The following DIAPH3 variants were observed in gnomAD, a reference collection of about 807,000 sequenced individuals.
The protein encoded by DIAPH3 is diaphanous related formin 3.
DIAPH3 carries 117 observed loss-of-function variants against 144.3 expected under a neutral mutation model. The ratio of observed to expected loss-of-function variants is 0.81; its 90% confidence interval spans 0.70 to 0.95. The LOEUF is 0.95. DIAPH3 is among the 40% of genes least tolerant of loss of function. The pLI is 0.00. For synonymous variants in DIAPH3, 519 were observed against 488.9 expected (o/e 1.06, Z -0.81); for missense variants, 1,421 against 1,412.7 (o/e 1.01, Z -0.09).
intron 21 of DIAPH3, among the ~76,000 whole-genome samples, chr13:59,864,478 C>T (rs999594635): frequency 1.3e-5 from 2 of 151,696 alleles, no homozygotes; most frequent in Non-Finnish European, 2.9e-5. Context: ...AAGACAATCA[C>T]CATCTACCTT....
At chr13:60,005,784 A>G (rs1184081396) in intron 9 of DIAPH3, among the ~76,000 whole-genome samples, 2 of 152,074 alleles carry the variant, frequency 1.3e-5, no homozygotes, top group Non-Finnish European at 2.9e-5. Context: ...ACCTGACCTG[A>G]AACGCACATT....
At chr13:59,785,358 T>C (rs932251146) in intron 25 of DIAPH3, among the ~76,000 whole-genome samples, 4 of 152,190 alleles carry the variant, frequency 2.6e-5, no homozygotes, top group Admixed American at 6.5e-5. Context: ...TTATTTATTT[T>C]TTCCTTAAAA....
At chr13:60,137,325 T>C (rs1049834324) in intron 1 of DIAPH3, among the ~76,000 whole-genome samples, 1 of 152,220 alleles carries the variant, frequency 6.6e-6, no homozygotes, top group Non-Finnish European at 1.5e-5. Context: ...TTATTGAAGA[T>C]AGTACATGCT....
At chr13:59,937,027 G>C (rs1169609607) in intron 17 of DIAPH3, among the ~76,000 whole-genome samples, 1 of 151,942 alleles carries the variant, frequency 6.6e-6, no homozygotes, top group African/African-American at 2.4e-5. Context: ...GCTGGGCGTG[G>C]TGGCGGGTTC....
rs939280259 is a variant in DIAPH3, at chr13:60,010,111, T to TTA, written c.908+420_908+421dup. 1.4e-3 allele frequency among the ~76,000 whole-genome samples: 206 copies of TTA among 152,268 alleles called. 1 individual carries two copies. Among genetic ancestry groups the TTA allele is most frequent in the African/African-American group, 4.3e-3 (178 of 41,552 alleles). On this transcript the variant is annotated intron_variant, in intron 8 of 27. Coordinates refer to ENST00000400324, the MANE Select transcript of DIAPH3 (RefSeq NM_001042517.2). ...TACATAAATCACTTTCTAATCTGCC[T>TTA]TATATATAGATTTCCAAATCGTAAT...
chr13:60,055,767 A>G (rs1034676449), intron 4 of DIAPH3, among the ~76,000 whole-genome samples: 42 of 152,040 alleles, frequency 2.8e-4, no homozygotes, highest in African/African-American at 9.4e-4. Context: ...TCATTTGTGC[A>G]AAAAGACACA....
intron 4 of DIAPH3, among the ~76,000 whole-genome samples, chr13:60,074,916 C>T (rs2057329555): frequency 6.6e-6 from 1 of 152,104 alleles, no homozygotes; most frequent in Non-Finnish European, 1.5e-5. Context: ...AATTTCCTGA[C>T]ATTTCACACA....
intron 19 of DIAPH3, among the ~76,000 whole-genome samples, chr13:59,914,653 C>G (rs2047145771): frequency 6.6e-6 from 1 of 152,050 alleles, no homozygotes; most frequent in South Asian, 2.1e-4. Flanking sequence ...GGAGATGTGA[C>G]TATGAGACAA....
intron 27 of DIAPH3, among the ~76,000 whole-genome samples, chr13:59,768,295 T>C (rs1196883282): frequency 6.6e-6 from 1 of 152,094 alleles, no homozygotes. Context: ...TCTCAAAAAA[T>C]AGGCCAATGA....
At chr13:59,823,359 T>G (rs2041183058) in intron 24 of DIAPH3, among the ~76,000 whole-genome samples, 1 of 152,172 alleles carries the variant, frequency 6.6e-6, no homozygotes, top group Admixed American at 6.6e-5. Flanking sequence ...ATTCCTTAAA[T>G]AAACAAATAC....
At chr13:60,102,344 T>C (rs1445399665) in intron 3 of DIAPH3, among the ~76,000 whole-genome samples, 6 of 152,320 alleles carry the variant, frequency 3.9e-5, no homozygotes, top group African/African-American at 1.4e-4. Flanking sequence ...TATGTAACTC[T>C]TTTCTCCCTC....
intron 17 of DIAPH3, among the ~76,000 whole-genome samples, chr13:59,945,700 T>A (rs2048761247): frequency 6.6e-6 from 1 of 151,304 alleles, no homozygotes; most frequent in Non-Finnish European, 1.5e-5. Context: ...GAAGAAATAG[T>A]CCTTAAGCAC....
chr13:59,908,338 T>G (rs1041502459), intron 20 of DIAPH3, among the ~76,000 whole-genome samples: 2 of 116,500 alleles, frequency 1.7e-5, no homozygotes, highest in Admixed American at 2.6e-4. Flanking sequence ...GCCACTGTAC[T>G]CCAGCCTGGT....
At chr13:59,735,889 C>T (rs2036125706) in intron 27 of DIAPH3, among the ~76,000 whole-genome samples, 1 of 152,080 alleles carries the variant, frequency 6.6e-6, no homozygotes, top group African/African-American at 2.4e-5. Context: ...TTTCATCACT[C>T]AGGCATTAAC....
intron 25 of DIAPH3, among the ~76,000 whole-genome samples, chr13:59,794,757 C>T (rs931065334): frequency 1.2e-4 from 19 of 152,172 alleles, no homozygotes; most frequent in African/African-American, 4.3e-4. Context: ...GATCCTCCCA[C>T]CTCAGCCTCC....
chr13:60,119,088 C>T (rs998695625), intron 2 of DIAPH3, among the ~76,000 whole-genome samples: 1 of 152,166 alleles, frequency 6.6e-6, no homozygotes, highest in South Asian at 2.1e-4. Flanking sequence ...CCCCAGTGAT[C>T]CTGATTTATG....
chr13:60,014,169 A>G (rs890588056), intron 7 of DIAPH3, among the ~76,000 whole-genome samples: 1 of 152,160 alleles, frequency 6.6e-6, no homozygotes, highest in Non-Finnish European at 1.5e-5. Context: ...TGGTTTAAAA[A>G]AAGTTCCTAG....
chr13:59,873,677 C>CTTTTCTTTTTT (rs2044418816), intron 21 of DIAPH3, among the ~76,000 whole-genome samples: 1 of 128,914 alleles, frequency 7.8e-6, no homozygotes, highest in Non-Finnish European at 1.6e-5. Flanking sequence ...ACCACTTTTT[C>CTTTTCTTTTTT]TTTTTTTTTT....
At chr13:59,770,737 G>C (rs2038079037) in intron 27 of DIAPH3, among the ~76,000 whole-genome samples, 1 of 151,932 alleles carries the variant, frequency 6.6e-6, no homozygotes, top group South Asian at 2.1e-4. Context: ...CTGACTTCCT[G>C]GTCTTGCCAA....
Sources: gnomAD v4.1 joint callset for allele counts (sites outside exome capture counted in the v4.1 genomes callset) on GRCh38, gnomAD v4.1.1 for gene constraint, MANE v1.5 for transcripts, NCBI Gene and HGNC (gene_info 2026-07-23, HGNC 2026-07-21) for gene names.